The following HAPLN1 variants were observed in gnomAD, a reference collection of about 807,000 sequenced individuals.
The protein encoded by HAPLN1 is Cartilage link protein.
HAPLN1 carries 13 observed loss-of-function variants against 36.5 expected under a neutral mutation model. The ratio of observed to expected loss-of-function variants is 0.36; its 90% CI spans 0.23 to 0.57. The LOEUF (loss-of-function observed/expected upper bound fraction) is 0.57, where lower values mean the gene tolerates loss of function less well. HAPLN1 is among the 20% of genes least tolerant of loss of function. HAPLN1 has a pLI of 0.83. For synonymous variants in HAPLN1, 202 were observed against 169.8 expected (o/e 1.19, Z -1.48); for missense variants, 407 against 439.7 (o/e 0.93, Z 0.66).
chr5:83,714,225 G>A (rs1468654453), intron 1 of HAPLN1, among the ~76,000 whole-genome samples: 4 of 152,078 alleles, frequency 2.6e-5, no homozygotes, highest in East Asian at 3.9e-4. Flanking sequence ...GGAAAGACAC[G>A]AAAGGAAATC....
chr5:83,684,850 CTG>C (rs1185983012), intron 1 of HAPLN1, among the ~76,000 whole-genome samples: 1 of 152,182 alleles, frequency 6.6e-6, no homozygotes, highest in Non-Finnish European at 1.5e-5. Flanking sequence ...GAAGATATAA[CTG>C]TGTACAAAGT....
chr5:83,711,459 C>G (rs115431073), intron 1 of HAPLN1, among the ~76,000 whole-genome samples: 4 of 152,040 alleles, frequency 2.6e-5, no homozygotes, highest in Admixed American at 6.6e-5. Flanking sequence ...TTTTTGGATC[C>G]CTTTGCAAAC....
chr5:83,700,525 G>A (rs1021793397), intron 1 of HAPLN1, among the ~76,000 whole-genome samples: 29 of 152,072 alleles, frequency 1.9e-4, no homozygotes, highest in Non-Finnish European at 1.2e-4. Context: ...TTTTGCAAAT[G>A]AGGAGAAAAA....
At chr5:83,695,500 T>C (rs922271559) in intron 1 of HAPLN1, among the ~76,000 whole-genome samples, 1 of 151,186 alleles carries the variant, frequency 6.6e-6, no homozygotes, top group Non-Finnish European at 1.5e-5. Flanking sequence ...AACAGATAGA[T>C]CACTAAATAG....
intron 1 of HAPLN1, among the ~76,000 whole-genome samples, chr5:83,676,971 C>A (rs967483228): frequency 6.6e-6 from 1 of 152,122 alleles, no homozygotes; most frequent in Non-Finnish European, 1.5e-5. Flanking sequence ...AGCAATATAC[C>A]TTATCCAATG....
chr5:83,712,326 A>G (rs927190291), intron 1 of HAPLN1, among the ~76,000 whole-genome samples: 1 of 152,040 alleles, frequency 6.6e-6, no homozygotes, highest in African/African-American at 2.4e-5. Context: ...AAAAATGATT[A>G]TTTTGTTTTA....
At chr5:83,686,037 T>A (rs1751112653) in intron 1 of HAPLN1, 1 of 151,190 alleles carries the variant, frequency 6.6e-6, no homozygotes, top group Non-Finnish European at 1.5e-5. Flanking sequence ...ATTTTCACCG[T>A]CATTTCCTGC....
intron 1 of HAPLN1, among the ~76,000 whole-genome samples, chr5:83,692,025 A>T (rs960854095): frequency 6.6e-6 from 1 of 151,902 alleles, no homozygotes; most frequent in Non-Finnish European, 1.5e-5. Context: ...ATGGCAGGTT[A>T]AACAATTCAG....
At chr5:83,668,524 T>C (rs1750615980) in intron 2 of HAPLN1, among the ~76,000 whole-genome samples, 1 of 152,238 alleles carries the variant, frequency 6.6e-6, no homozygotes, top group Non-Finnish European at 1.5e-5. Context: ...TGAACTATGA[T>C]TTAGCTGATG....
intron 1 of HAPLN1, among the ~76,000 whole-genome samples, chr5:83,703,048 G>A (rs914695366): frequency 6.6e-6 from 1 of 152,058 alleles, no homozygotes; most frequent in African/African-American, 2.4e-5. Context: ...GGGTGTGGGT[G>A]TTTTACTTTT....
intron 1 of HAPLN1, among the ~76,000 whole-genome samples, chr5:83,682,940 A>T (rs951481481): frequency 6.6e-6 from 1 of 152,132 alleles, no homozygotes; most frequent in Non-Finnish European, 1.5e-5. Context: ...AACACATAAA[A>T]TCATTTAATC....
chr5:83,699,412 T>G (rs1183753480), intron 1 of HAPLN1, among the ~76,000 whole-genome samples: 1 of 152,224 alleles, frequency 6.6e-6, no homozygotes, highest in Non-Finnish European at 1.5e-5. Flanking sequence ...AGGATGCTAC[T>G]GTTTTACTTC....
intron 1 of HAPLN1, among the ~76,000 whole-genome samples, chr5:83,697,813 C>T (rs776205564): frequency 6.6e-6 from 1 of 152,100 alleles, no homozygotes; most frequent in Non-Finnish European, 1.5e-5. Flanking sequence ...TCTTGATGTG[C>T]TAATTGGCCA....
intron 1 of HAPLN1, among the ~76,000 whole-genome samples, chr5:83,694,325 A>T (rs984065706): frequency 1.3e-5 from 2 of 152,052 alleles, no homozygotes; most frequent in African/African-American, 4.8e-5. Flanking sequence ...TCCCCTAAAC[A>T]CGTATTAGAG....
rs1258570135 is a variant in HAPLN1 at position 83,666,510 on chromosome 5, A to G, written c.100+6914T>C. ...TGTTACTACCTGCAAAGATTATTCA[A>G]TATAAGCTTTTATACCTGGAAATAT... On this transcript the variant is annotated intron_variant, in intron 2 of 4. Coordinates refer to ENST00000274341, the MANE Select transcript of HAPLN1 (RefSeq NM_001884.4). Among the ~76,000 whole-genome samples the G allele has an allele frequency of 3.9e-5, 6 of 152,146 alleles. No homozygotes were observed. The East Asian group carries it at 1.2e-3, about 29-fold the overall frequency.
rs965154294 is a variant in HAPLN1 at position 83,638,498 on chromosome 5, C to T, written c.*2998G>A. ...TTCTTAATGCATCCTATGCTAAAAA[C>T]TGATAAGTGATTCCCTTTTAATCCT... is the stretch of plus-strand genomic sequence containing the variant. On this transcript the variant is annotated 3_prime_UTR_variant, in exon 5 of 5. Transcript: ENST00000274341. 1 of 152,020 alleles carries T rather than the reference C, an allele frequency of 6.6e-6. No individual in the cohort carries two copies. Among genetic ancestry groups the T allele is most frequent in the Admixed American group, 6.5e-5 (1 of 15,268 alleles). 9.4% of individuals were successfully genotyped at this position (152,020 alleles called of 1,614,324 possible). A position where few individuals can be genotyped will look rare whatever the true frequency, so the allele number is the denominator to read the frequency against.
At chr5:83,670,687 T>G (rs1217801838) in intron 2 of HAPLN1, among the ~76,000 whole-genome samples, 1 of 125,904 alleles carries the variant, frequency 7.9e-6, no homozygotes, top group Non-Finnish European at 1.6e-5. Context: ...TTTACCTTTG[T>G]TTTGTGTGTG....
At chr5:83,678,220 G>GGGGGGTGTGTGT (rs1554049526) in intron 1 of HAPLN1, among the ~76,000 whole-genome samples, 3 of 142,536 alleles carry the variant, frequency 2.1e-5, no homozygotes, top group African/African-American at 7.6e-5. Context: ...CTATAGTTTG[G>GGGGGGTGTGTGT]GTGTGTGTGT....
intron 1 of HAPLN1, among the ~76,000 whole-genome samples, chr5:83,680,878 A>T (rs1580146103): frequency 6.6e-6 from 1 of 152,200 alleles, no homozygotes; most frequent in Non-Finnish European, 1.5e-5. Flanking sequence ...TTATTAAAAG[A>T]TAATTAAATC....
Sources: allele counts gnomAD v4.1 joint callset (sites outside exome capture counted in the v4.1 genomes callset), GRCh38; gene constraint gnomAD v4.1.1; transcripts MANE v1.5; gene names NCBI Gene and HGNC (gene_info 2026-07-23, HGNC 2026-07-21).